CEMIP: variants seen among roughly 807,000 people sequenced by gnomAD.
CEMIP encodes cell migration-inducing and hyaluronan-binding protein.
A neutral mutation model predicts 156.9 loss-of-function variants in CEMIP; 105 were observed. The ratio of observed to expected loss-of-function variants is 0.67; its 90% CI spans 0.57 to 0.79. CEMIP has a LOEUF of 0.79. Ranked by LOEUF, CEMIP falls within the 30% of genes least tolerant of loss-of-function variation. CEMIP has a pLI of 0.00. For synonymous variants in CEMIP, 676 were observed against 668.4 expected (o/e 1.01, Z -0.17); for missense variants, 1,457 against 1,769.4 (o/e 0.82, Z 3.17).
At chr15:80,800,369 C>T (rs1172311368) in intron 1 of CEMIP, among the ~76,000 whole-genome samples, 1 of 152,038 alleles carries the variant, frequency 6.6e-6, no homozygotes, top group African/African-American at 2.4e-5. Flanking sequence ...AGTCTCAGGG[C>T]CTATTGCAGG....
chr15:80,784,072 C>A (rs777935450), intron 1 of CEMIP, among the ~76,000 whole-genome samples: 12 of 152,184 alleles, frequency 7.9e-5, no homozygotes, highest in Non-Finnish European at 1.8e-4. Flanking sequence ...GGCACCTGCT[C>A]AGAGCAAGGA....
chr15:80,808,711 A>T (rs906430), intron 1 of CEMIP, among the ~76,000 whole-genome samples: 147,162 of 151,398 alleles, frequency 0.97, 71,640 homozygotes, highest in East Asian at 1. Flanking sequence ...TGCTTTGAAC[A>T]CTCCACAATA....
At chr15:80,822,530 G>A (rs1896935851) in intron 1 of CEMIP, among the ~76,000 whole-genome samples, 1 of 152,156 alleles carries the variant, frequency 6.6e-6, no homozygotes, top group Non-Finnish European at 1.5e-5. Flanking sequence ...TGCAGGCTCT[G>A]TTTTCACAAG....
intron 21 of CEMIP, among the ~76,000 whole-genome samples, chr15:80,930,171 A>C (rs1192921653): frequency 1.3e-5 from 2 of 152,262 alleles, no homozygotes; most frequent in Non-Finnish European, 1.5e-5. Context: ...ACATTGACCT[A>C]AAACTTCCAA....
intron 1 of CEMIP, among the ~76,000 whole-genome samples, chr15:80,858,586 G>C (rs534920623): frequency 6.6e-6 from 1 of 151,534 alleles, no homozygotes; most frequent in Non-Finnish European, 1.5e-5. Flanking sequence ...TTAGCTGGGT[G>C]TGGTGGCACA....
At chr15:80,812,712 G>C (rs1204809141) in intron 1 of CEMIP, among the ~76,000 whole-genome samples, 2 of 152,144 alleles carry the variant, frequency 1.3e-5, no homozygotes, top group African/African-American at 4.8e-5. Context: ...CAGATTTATA[G>C]TTAAACATGT....
intron 1 of CEMIP, among the ~76,000 whole-genome samples, chr15:80,861,647 G>A (rs1477544665): frequency 6.6e-6 from 1 of 152,186 alleles, no homozygotes; most frequent in Non-Finnish European, 1.5e-5. Flanking sequence ...AAGAGGGCAG[G>A]GGGCATCTGG....
chr15:80,818,917 A>G (rs1896850585), intron 1 of CEMIP, among the ~76,000 whole-genome samples: 1 of 152,178 alleles, frequency 6.6e-6, no homozygotes, highest in African/African-American at 2.4e-5. Context: ...GCCTACAGAG[A>G]TCCATCCTGG....
At chr15:80,810,484 T>C (rs530125634) in intron 1 of CEMIP, among the ~76,000 whole-genome samples, 9 of 152,270 alleles carry the variant, frequency 5.9e-5, no homozygotes, top group South Asian at 4.1e-4. Context: ...TCTCTTGCCT[T>C]AGCCTCCCGA....
At chr15:80,842,679 C>G (rs1050111491) in intron 1 of CEMIP, among the ~76,000 whole-genome samples, 1 of 152,048 alleles carries the variant, frequency 6.6e-6, no homozygotes, top group Admixed American at 6.5e-5. Context: ...TTGCAGTGAG[C>G]CGTGATTGTG....
chr15:80,868,861 T>C (rs1013239616), intron 1 of CEMIP, among the ~76,000 whole-genome samples: 1 of 152,206 alleles, frequency 6.6e-6, no homozygotes. Context: ...GCTTCAATTA[T>C]TACTATTATC....
chr15:80,796,880 T>C (rs1479269137), intron 1 of CEMIP, among the ~76,000 whole-genome samples: 2 of 152,158 alleles, frequency 1.3e-5, no homozygotes, highest in Admixed American at 6.5e-5. Flanking sequence ...TCATTATTCT[T>C]GGGGGAATTA....
In CEMIP at chr15:80,932,548, C is replaced by A. The variant is rs1393711915; in HGVS notation, c.2793+509C>A. Among the ~76,000 whole-genome samples the A allele has an allele frequency of 6.6e-6, 1 of 152,144 alleles. No individual in the cohort carries two copies. The highest frequency in any genetic ancestry group is 2.4e-5 in the African/African-American group (1 of 41,420). On this transcript the variant is annotated intron_variant, in intron 22 of 29. Coordinates refer to ENST00000394685, the MANE Select transcript of CEMIP (RefSeq NM_001293298.2). This position sits in a 1 kb window ranked among gnomAD's most constrained non-coding sequence, Gnocchi z 4.5. ...ATTAGGAGATCAGGAGCAAGGGCTG[C>A]CCTGTGAGACCAGCCGGGGCCAGTC...
intron 14 of CEMIP, among the ~76,000 whole-genome samples, chr15:80,917,970 C>T (rs1243868871): frequency 1.3e-5 from 2 of 152,108 alleles, no homozygotes; most frequent in African/African-American, 4.8e-5. Context: ...GGGGAGTAGG[C>T]GGCTGTCATA....
At chr15:80,797,304 C>T (rs1428804030) in intron 1 of CEMIP, among the ~76,000 whole-genome samples, 1 of 152,134 alleles carries the variant, frequency 6.6e-6, no homozygotes, top group African/African-American at 2.4e-5. Context: ...CAACCTCCAT[C>T]GCTATTCGAT....
At chr15:80,928,337 G>C (rs1900770359) in intron 19 of CEMIP, among the ~76,000 whole-genome samples, 1 of 152,112 alleles carries the variant, frequency 6.6e-6, no homozygotes, top group Admixed American at 6.5e-5. Flanking sequence ...AGGTGAAAGG[G>C]AGCTGACGAG....
At chr15:80,886,207 C>G (rs968422349) in intron 7 of CEMIP, among the ~76,000 whole-genome samples, 9 of 151,976 alleles carry the variant, frequency 5.9e-5, no homozygotes, top group African/African-American at 1.7e-4. Flanking sequence ...ATAGAGAGAT[C>G]AGCAGCTTCG....
intron 25 of CEMIP, chr15:80,938,263 G>C: frequency 2.5e-6 from 1 of 402,758 alleles, no homozygotes; most frequent in Non-Finnish European, 4.7e-6. Flanking sequence ...TTAGAATCCA[G>C]AAAACATGGT....
chr15:80,897,780 T>G (rs1298485522), intron 12 of CEMIP, among the ~76,000 whole-genome samples: 2 of 151,108 alleles, frequency 1.3e-5, no homozygotes, highest in Non-Finnish European at 3.0e-5. Flanking sequence ...GAGGGGGAGG[T>G]GACCGAGATT....
Sources: gnomAD v4.1 joint callset for allele counts (sites outside exome capture counted in the v4.1 genomes callset) on GRCh38, gnomAD v4.1.1 for gene constraint, Gnocchi (gnomAD v3.1) non-coding constraint, MANE v1.5 for transcripts, NCBI Gene and HGNC (gene_info 2026-07-23, HGNC 2026-07-21) for gene names.